Variants in URI1 observed in about 807,000 individuals in gnomAD.
URI1 encodes the protein URI1 prefoldin like chaperone, also known as unconventional prefoldin RPB5 interactor 1.
URI1 carries 39 observed loss-of-function variants against 60.2 expected under a neutral mutation model. That is an observed-to-expected ratio of 0.65 (90% CI 0.50 to 0.85). The LOEUF (loss-of-function observed/expected upper bound fraction) is 0.85, where lower values mean the gene tolerates loss of function less well. Ranked by LOEUF, URI1 falls within the 40% of genes least tolerant of loss-of-function variation. The pLI, the probability that URI1 is intolerant of heterozygous loss-of-function variation, is 0.00. For synonymous variants in URI1, 251 were observed against 236.8 expected (o/e 1.06, Z -0.55); for missense variants, 691 against 665.9 (o/e 1.04, Z -0.42).
At chr19:29,981,094 C>CTTTTT (rs35058414) in intron 2 of URI1, among the ~76,000 whole-genome samples, 8 of 145,130 alleles carry the variant, frequency 5.5e-5, no homozygotes, top group African/African-American at 2.0e-4. Flanking sequence ...AGGATGTAGA[C>CTTTTT]TTTTTTTTTT....
intron 2 of URI1, among the ~76,000 whole-genome samples, chr19:29,976,806 G>T (rs2055528641): frequency 6.6e-6 from 1 of 152,124 alleles, no homozygotes; most frequent in African/African-American, 2.4e-5. Context: ...ATTTTAAAAG[G>T]ATTTTTGGTA....
chr19:29,958,552 T>C (rs2055279965), intron 1 of URI1, among the ~76,000 whole-genome samples: 1 of 152,268 alleles, frequency 6.6e-6, no homozygotes, highest in Non-Finnish European at 1.5e-5. Context: ...AGGATGTGTT[T>C]ACCTTGTTGT....
intron 4 of URI1, among the ~76,000 whole-genome samples, chr19:29,996,230 A>T (rs1005985987): frequency 1.4e-4 from 22 of 151,808 alleles, no homozygotes; most frequent in African/African-American, 4.6e-4. Flanking sequence ...AAATATATTC[A>T]CTCCGTGAAC....
chr19:29,925,059 C>T (rs2054854367), intron 1 of URI1, among the ~76,000 whole-genome samples: 1 of 152,176 alleles, frequency 6.6e-6, no homozygotes, highest in Admixed American at 6.5e-5. Flanking sequence ...TGGTCTCGAA[C>T]TACTGACCTT....
At position 30,015,953 on chromosome 19, in the gene URI1, T is replaced by A. The variant is rs1349412729; in HGVS notation, c.*884T>A. On this transcript the variant is annotated 3_prime_UTR_variant, in exon 11 of 11. Transcript: ENST00000392271. ...TTTTCATTCTTTAAGGCTACTTTCC[T>A]ACTAACTGAAATAACACATTTACTT... is the stretch of plus-strand genomic sequence containing the variant. The A allele has an allele frequency of 5.8e-6, 1 of 172,710 alleles. No individual in the cohort carries two copies. The highest frequency in any genetic ancestry group is 1.2e-5 in the Non-Finnish European group (1 of 82,476). 10.7% of individuals were successfully genotyped at this position (172,710 alleles called of 1,614,324 possible).
intron 1 of URI1, among the ~76,000 whole-genome samples, chr19:29,969,818 T>A (rs566959459): frequency 6.6e-6 from 1 of 152,336 alleles, no homozygotes; most frequent in African/African-American, 2.4e-5. Context: ...TACTGCCAAA[T>A]CAGAAACAGT....
At chr19:29,928,567 C>G (rs2054890194) in intron 1 of URI1, among the ~76,000 whole-genome samples, 1 of 152,040 alleles carries the variant, frequency 6.6e-6, no homozygotes, top group Admixed American at 6.6e-5. Flanking sequence ...TGTGTCAGTC[C>G]CTGATGCTTG....
Position 29,932,241 on chromosome 19 carries a change from A to T in URI1, c.63+8487A>T, listed in dbSNP as rs545933627. 2.0e-5 allele frequency among the ~76,000 whole-genome samples: 3 copies of T among 152,044 alleles called. No individual in the cohort carries two copies. In the East Asian group the frequency reaches 5.8e-4, roughly 29 times the overall value. On this transcript the variant is annotated intron_variant, in intron 1 of 10. Transcript: ENST00000360605. ...GTTCGTTTCTATTCCTACTTTACTA[A>T]GTGTTTTATCTTGATGTTGGATATT...
At chr19:30,012,671 CACAA>C in intron 10 of URI1, 140 bp downstream of exon 10, 1 of 1,013,170 alleles carries the variant, frequency 9.9e-7, no homozygotes, top group African/African-American at 1.6e-5. Context: ...AATTAATAGT[CACAA>C]ACAGTACAAA....
chr19:29,925,876 GAC>G (rs1447259553), intron 1 of URI1: 3 of 152,174 alleles, frequency 2.0e-5, no homozygotes, highest in Non-Finnish European at 4.4e-5. Context: ...CATGAAACTG[GAC>G]ACAGAAACCA....
chr19:30,016,052 A>C lies in URI1; in HGVS notation c.*983A>C, dbSNP rs763564899. On this transcript the variant is annotated 3_prime_UTR_variant, in exon 11 of 11. Transcript: ENST00000392271. ...TACAAGTTAATCATTAGCTTGATGC[A>C]TGCTAAAATGTAGCTTTTAAAAAGC... 1 of 152,992 alleles carries C rather than the reference A, an allele frequency of 6.5e-6. No individual in the cohort carries two copies. Among genetic ancestry groups the C allele is most frequent in the Non-Finnish European group, 1.5e-5 (1 of 68,642 alleles). 9.5% of individuals were successfully genotyped at this position (152,992 alleles called of 1,614,324 possible). A position where few individuals can be genotyped will look rare whatever the true frequency, so the allele number is the denominator to read the frequency against.
At chr19:29,986,814 A>AAG (rs1374950672) in intron 4 of URI1, among the ~76,000 whole-genome samples, 1 of 152,218 alleles carries the variant, frequency 6.6e-6, no homozygotes, top group Non-Finnish European at 1.5e-5. Flanking sequence ...TTAGTGAACT[A>AAG]AGAGAAATAC....
chr19:29,985,113 C>G lies in URI1; in HGVS notation c.153-110C>G, dbSNP rs938350692. 5 of 918,984 alleles carry G rather than the reference C, an allele frequency of 5.4e-6. No homozygotes were observed. The African/African-American group carries it at 9.5e-5, about 17-fold the overall frequency. 56.9% of individuals were successfully genotyped at this position (918,984 alleles called of 1,614,324 possible). On this transcript the variant is annotated intron_variant, in intron 2 of 10. Coordinates refer to ENST00000392271, the MANE Select transcript of URI1 (RefSeq NM_003796.3). ...TTAGCCTGGGCGACGGAGCGACACTCTGTCTCAAAAAAAAAAAAAAAAAAA... is the reference window on the plus strand; with the variant it reads ...TTAGCCTGGGCGACGGAGCGACACTGTGTCTCAAAAAAAAAAAAAAAAAAA...
chr19:29,986,653 A>C (rs2055674466), intron 4 of URI1, among the ~76,000 whole-genome samples: 1 of 152,200 alleles, frequency 6.6e-6, no homozygotes, highest in African/African-American at 2.4e-5. Context: ...GAAGTTACAA[A>C]GTTTCAAAGT....
At chr19:29,991,097 G>A (rs1050391761) in intron 4 of URI1, among the ~76,000 whole-genome samples, 4 of 152,038 alleles carry the variant, frequency 2.6e-5, no homozygotes, top group African/African-American at 9.7e-5. Flanking sequence ...TACCTCCTTT[G>A]CCTTTCCATA....
At chr19:29,984,299 T>C (rs887440139) in intron 2 of URI1, among the ~76,000 whole-genome samples, 3 of 152,060 alleles carry the variant, frequency 2.0e-5, no homozygotes, top group African/African-American at 7.2e-5. Context: ...CGTGGTGTCA[T>C]GCGTCTGTAG....
At chr19:29,937,117 C>T (rs1369346027) in intron 1 of URI1, among the ~76,000 whole-genome samples, 1 of 152,210 alleles carries the variant, frequency 6.6e-6, no homozygotes, top group Non-Finnish European at 1.5e-5. Context: ...TCTTCAAGTT[C>T]ACTGGTTCTT....
intron 2 of URI1, among the ~76,000 whole-genome samples, chr19:29,979,917 A>G (rs962893353): frequency 6.6e-6 from 1 of 152,198 alleles, no homozygotes; most frequent in Non-Finnish European, 1.5e-5. Context: ...ATTTAATTCA[A>G]GTACATTTAA....
intron 1 of URI1, among the ~76,000 whole-genome samples, chr19:29,961,990 C>T (rs967375476): frequency 6.6e-6 from 1 of 152,020 alleles, no homozygotes; most frequent in African/African-American, 2.4e-5. Flanking sequence ...CGGCTGCTTT[C>T]GATTCTTCTG....
Sources: gnomAD v4.1 joint callset for allele counts (sites outside exome capture counted in the v4.1 genomes callset) on GRCh38, gnomAD v4.1.1 for gene constraint, MANE v1.5 for transcripts, NCBI Gene and HGNC (gene_info 2026-07-23, HGNC 2026-07-21) for gene names.